Variants in DOLPP1 observed in about 807,000 individuals in gnomAD.
DOLPP1 encodes the protein dolichyl pyrophosphate phosphatase 1.
DOLPP1 carries 15 observed loss-of-function variants against 34.1 expected under a neutral mutation model. The ratio of observed to expected loss-of-function variants is 0.44; its 90% CI spans 0.29 to 0.68. The LOEUF (loss-of-function observed/expected upper bound fraction) is 0.68, where lower values mean the gene tolerates loss of function less well. DOLPP1 is among the 30% of genes least tolerant of loss of function. The probability of loss-of-function intolerance (pLI) is 0.12; values close to 1 mark genes in which losing one functional copy is unlikely to be tolerated. For synonymous variants in DOLPP1, 130 were observed against 128.2 expected, an observed-to-expected ratio of 1.01 and a Z score of -0.10; for missense variants, 249 against 307.1, an observed-to-expected ratio of 0.81 and a Z score of 1.41.
rs1033307216 is a variant in DOLPP1, at chr9:129,085,984, A to G, written c.462-155A>G. On this transcript the variant is annotated intron_variant, in intron 5 of 7. Coordinates refer to ENST00000372546, the MANE Select transcript of DOLPP1 (RefSeq NM_020438.5). This position sits in a 1 kb window ranked among gnomAD's most constrained non-coding sequence, Gnocchi z 7.0. ...GGGTCCAGCGCCCTCCCACTTGGAAATGGATCTGAGGCTGTGCCCCGTGGA... is the reference window on the plus strand; with the variant it reads ...GGGTCCAGCGCCCTCCCACTTGGAAGTGGATCTGAGGCTGTGCCCCGTGGA... 1.3e-5 allele frequency among the ~76,000 whole-genome samples: 2 copies of G among 152,202 alleles called. No homozygotes were observed. Among genetic ancestry groups the G allele is most frequent in the Non-Finnish European group, 2.9e-5 (2 of 68,036 alleles).
intron 5 of DOLPP1, 34 bp from the exon 6 acceptor site, chr9:129,086,105 G>A (rs1329445680): frequency 6.2e-7 from 1 of 1,607,504 alleles, no homozygotes; most frequent in South Asian, 1.1e-5. Flanking sequence ...TGTCTGACTG[G>A]CTCTCACATA....
In DOLPP1 at chr9:129,086,138, G is replaced by GTT. The variant is rs1846984487; in HGVS notation, c.462-1_462insTT (p.Arg154SerfsTer42). 1 of 1,612,966 alleles carries GTT rather than the reference G, an allele frequency of 6.2e-7. No homozygotes were observed. The highest frequency in any genetic ancestry group is 1.6e-4 in the Middle Eastern group (1 of 6,074). ...ATACTTCGCTTCTGGCCTTGGCCCA[G>GTT]GGTCTACCTGCTGTACCACACCTGG... is the stretch of plus-strand genomic sequence containing the variant. On this transcript the variant is annotated frameshift_variant and splice_region_variant. Coordinates refer to ENST00000372546, the MANE Select transcript of DOLPP1 (RefSeq NM_020438.5). LOFTEE classifies it high-confidence loss of function.
chr9:129,089,072 G>A lies in DOLPP1; in HGVS notation c.*65G>A. 5 of 1,556,078 alleles carry A rather than the reference G, an allele frequency of 3.2e-6. No homozygotes were observed. The South Asian group carries it at 4.5e-5, about 14-fold the overall frequency. On this transcript the variant is annotated 3_prime_UTR_variant, in exon 8 of 8. Coordinates refer to ENST00000372546, the MANE Select transcript of DOLPP1 (RefSeq NM_020438.5). The surrounding 1 kb of genome is among the most constrained non-coding windows in gnomAD (Gnocchi z 4.9). Reference sequence around the variant, plus strand: ...GCACGATGCCTTGCAGGATGGACAGGATGACAGACAGGGACGAAGCAGAGA... The same window carrying A: ...GCACGATGCCTTGCAGGATGGACAGAATGACAGACAGGGACGAAGCAGAGA...
intron 7 of DOLPP1, among the ~76,000 whole-genome samples, chr9:129,087,116 G>A (rs370525531): frequency 3.9e-5 from 6 of 152,166 alleles, no homozygotes; most frequent in African/African-American, 1.2e-4. Context: ...GCTCCTGTGT[G>A]TGGACATCCC....
chr9:129,085,683 G>A lies in DOLPP1; in HGVS notation c.461+67G>A. The A allele has an allele frequency of 7.6e-7, 1 of 1,313,120 alleles. No homozygotes were observed. The highest frequency in any genetic ancestry group is 1.1e-6 in the Non-Finnish European group (1 of 939,346). The allele number at this position is 1,313,120 out of a possible 1,614,324, so 81.3% of individuals were successfully genotyped here. A position where few individuals can be genotyped will look rare whatever the true frequency, so the allele number is the denominator to read the frequency against. ...GGGGTCCTGCTGGTTCCTGGTCCCT[G>A]TCGGACCCCACCATGGACCCTAGTC... On this transcript the variant is annotated intron_variant, in intron 5 of 7. Transcript: ENST00000372546. The surrounding 1 kb of genome is among the most constrained non-coding windows in gnomAD (Gnocchi z 7.0).
At chr9:129,082,855 C>T (rs1472430846) in intron 1 of DOLPP1, among the ~76,000 whole-genome samples, 2 of 152,210 alleles carry the variant, frequency 1.3e-5, no homozygotes, top group Non-Finnish European at 2.9e-5. Context: ...CTCCCAGATG[C>T]TGTCCTGATA....
chr9:129,082,970 G>A (rs1035612409), intron 1 of DOLPP1, among the ~76,000 whole-genome samples: 1 of 152,190 alleles, frequency 6.6e-6, no homozygotes, highest in African/African-American at 2.4e-5. Flanking sequence ...TGCCACTGTG[G>A]TGGGTTCTTA....
chr9:129,081,267 G>A, intron 1 of DOLPP1, 60 bp downstream of exon 1: 3 of 1,584,336 alleles, frequency 1.9e-6, no homozygotes, highest in Non-Finnish European at 2.6e-6. Flanking sequence ...AGTCCCGGGC[G>A]CTCCGGCCTG....
At chr9:129,083,363 G>A (rs911803884) in intron 1 of DOLPP1, among the ~76,000 whole-genome samples, 3 of 152,130 alleles carry the variant, frequency 2.0e-5, no homozygotes, top group Non-Finnish European at 4.4e-5. Flanking sequence ...TCATAGTGGA[G>A]AGGCCCAGGA....
intron 7 of DOLPP1, 58 bp downstream of exon 7, chr9:129,086,856 T>A (rs967718206): frequency 6.8e-7 from 1 of 1,473,646 alleles, no homozygotes; most frequent in Non-Finnish European, 9.5e-7. Context: ...TCTGCCTCCA[T>A]GTTTGGAGGG....
At chr9:129,086,867 C>A in intron 7 of DOLPP1, 69 bp downstream of exon 7, 2 of 1,397,078 alleles carry the variant, frequency 1.4e-6, no homozygotes, top group Non-Finnish European at 1.0e-6. Context: ...GTTTGGAGGG[C>A]TCTCCGGGAG....
chr9:129,086,676 G>A, intron 6 of DOLPP1, 33 bp from the exon 7 acceptor site: 1 of 1,597,546 alleles, frequency 6.3e-7, no homozygotes, highest in Admixed American at 1.7e-5. Context: ...ATGCCCTGAT[G>A]TGCCCCTGGC....
chr9:129,083,857 C>A lies in DOLPP1; in HGVS notation c.77-811C>A, dbSNP rs929101015. Reference sequence around the variant, plus strand: ...TAGGAGCTGAACCATGCTCTCAGACCCCAGAGTGGCTACATAGCTGCCTGT... The same window carrying A: ...TAGGAGCTGAACCATGCTCTCAGACACCAGAGTGGCTACATAGCTGCCTGT... On this transcript the variant is annotated intron_variant, in intron 1 of 7. Transcript: ENST00000372546. 2.6e-5 allele frequency among the ~76,000 whole-genome samples: 4 copies of A among 152,156 alleles called. No individual in the cohort carries two copies. In the South Asian group the frequency reaches 8.3e-4, roughly 31 times the overall value.
intron 1 of DOLPP1, among the ~76,000 whole-genome samples, chr9:129,083,161 G>A (rs1488135616): frequency 6.6e-6 from 1 of 152,186 alleles, no homozygotes; most frequent in Admixed American, 6.5e-5. Context: ...GGGCTGAGGG[G>A]GAACTTGTCC....
At chr9:129,087,202 T>C (rs1339684090) in intron 7 of DOLPP1, among the ~76,000 whole-genome samples, 1 of 152,212 alleles carries the variant, frequency 6.6e-6, no homozygotes, top group African/African-American at 2.4e-5. Context: ...CCTGTAGTTG[T>C]GCAGCAAGTC....
chr9:129,086,293 A>G (rs1846987622), intron 6 of DOLPP1, 26 bp downstream of exon 6: 1 of 1,611,646 alleles, frequency 6.2e-7, no homozygotes, highest in Non-Finnish European at 8.5e-7. Context: ...CTTCCTGGGC[A>G]CTGTGGGCCC....
Position 129,085,209 on chromosome 9 carries a change from C to A in DOLPP1, c.265C>A (p.Pro89Thr). The change falls in exon 4 of 8, where the codon CCC becomes ACC. Residue 89 changes from proline (P) to threonine (T), a missense_variant and splice_region_variant. Transcript: ENST00000372546. This position sits in a 1 kb window ranked among gnomAD's most constrained non-coding sequence, Gnocchi z 7.0. ...VIQEPRPCGG[P>T]HTAVGTKYGM... Reference sequence around the variant, plus strand: ...CCCTGGTCTCCTCTCTCTCCCAGGCCCCCACACAGCAGTGGGCACCAAGTA... The same window carrying A: ...CCCTGGTCTCCTCTCTCTCCCAGGCACCCACACAGCAGTGGGCACCAAGTA... The A allele has an allele frequency of 1.2e-6, 2 of 1,613,942 alleles. No homozygotes were observed. Among genetic ancestry groups the A allele is most frequent in the Non-Finnish European group, 1.7e-6 (2 of 1,179,918 alleles).
rs779257477 is a variant in DOLPP1 at position 129,085,660 on chromosome 9, G to T, written c.461+44G>T. The T allele has an allele frequency of 1.3e-6, 2 of 1,506,278 alleles. No individual in the cohort carries two copies. The highest frequency in any genetic ancestry group is 9.1e-7 in the Non-Finnish European group (1 of 1,098,688). 93.3% of individuals were successfully genotyped at this position (1,506,278 alleles called of 1,614,324 possible). A position where few individuals can be genotyped will look rare whatever the true frequency, so the allele number is the denominator to read the frequency against. On this transcript the variant is annotated intron_variant, in intron 5 of 7. Transcript: ENST00000372546. This position sits in a 1 kb window ranked among gnomAD's most constrained non-coding sequence, Gnocchi z 7.0. Reference sequence around the variant, plus strand: ...CCCTGCCTGCACCCTGCCCATGTGGGGTCCTGCTGGTTCCTGGTCCCTGTC... The same window carrying T: ...CCCTGCCTGCACCCTGCCCATGTGGTGTCCTGCTGGTTCCTGGTCCCTGTC...
At chr9:129,083,534 G>A (rs778551375) in intron 1 of DOLPP1, among the ~76,000 whole-genome samples, 1 of 152,146 alleles carries the variant, frequency 6.6e-6, no homozygotes, top group African/African-American at 2.4e-5. Flanking sequence ...GGATGAGACC[G>A]GGCATGTGTG....
Sources: gnomAD v4.1 joint callset for allele counts (sites outside exome capture counted in the v4.1 genomes callset) on GRCh38, gnomAD v4.1.1 for gene constraint, Gnocchi (gnomAD v3.1) non-coding constraint, MANE v1.5 for transcripts, NCBI Gene and HGNC (gene_info 2026-07-23, HGNC 2026-07-21) for gene names.